The following GGA2 variants were observed in gnomAD, a reference collection of about 807,000 sequenced individuals.
The protein encoded by GGA2 is golgi associated, gamma adaptin ear containing, ARF binding protein 2, also known as ADP-ribosylation factor-binding protein GGA2.
In GGA2, 48 loss-of-function variants were observed where a neutral mutation model predicts 79.5. That is an observed-to-expected ratio of 0.60 (90% CI 0.48 to 0.77). GGA2 has a LOEUF of 0.77. Among genes scored for constraint, GGA2 ranks in the 30% least tolerant of loss-of-function variants. The pLI is 0.00. For missense variants in GGA2, 770 were observed against 774.0 expected (o/e 0.99, Z 0.06); for synonymous variants, 317 against 302.0 (o/e 1.05, Z -0.51).
chr16:23,478,058 G>C (rs932708298), intron 13 of GGA2, among the ~76,000 whole-genome samples: 3 of 151,718 alleles, frequency 2.0e-5, no homozygotes, highest in African/African-American at 7.3e-5. Flanking sequence ...AATTAGCTGG[G>C]CATGGTGGCG....
At chr16:23,480,806 T>G in intron 9 of GGA2, 36 bp from the exon 10 acceptor site, 1 of 1,589,520 alleles carries the variant, frequency 6.3e-7, no homozygotes, top group Non-Finnish European at 8.6e-7. Flanking sequence ...CCCCCTGGTT[T>G]GGCAACCAAC....
chr16:23,508,741 C>T (rs1429438682), intron 1 of GGA2, among the ~76,000 whole-genome samples: 2 of 152,154 alleles, frequency 1.3e-5, no homozygotes, highest in African/African-American at 2.4e-5. Flanking sequence ...CCAAACCGTA[C>T]GTCCCACACT....
In GGA2 at chr16:23,486,898, C is replaced by T. The variant is rs1964720882; in HGVS notation, c.580-108G>A. The T allele has an allele frequency of 5.3e-6, 4 of 759,418 alleles. No individual in the cohort carries two copies. In the South Asian group the frequency reaches 5.5e-5, roughly 10 times the overall value. The allele number at this position is 759,418 out of a possible 1,614,324, so 47.0% of individuals were successfully genotyped here. The stretch of plus-strand genomic sequence containing the variant: ...CACTAACAACAGTGCACACATTTTA[C>T]ATGCACCATCTCACCAAATGGTCCA... On this transcript the variant is annotated intron_variant, in intron 6 of 16. Coordinates refer to ENST00000309859, the MANE Select transcript of GGA2 (RefSeq NM_015044.4).
At position 23,470,036 on chromosome 16, in the gene GGA2, TG is replaced by T; in HGVS notation, c.1579del (p.Gln527SerfsTer16). 1 of 1,595,670 alleles carries T rather than the reference TG, an allele frequency of 6.3e-7. No homozygotes were observed. Among genetic ancestry groups the T allele is most frequent in the African/African-American group, 1.3e-5 (1 of 74,380 alleles). ...LLLTMMSTAPQPVWDIMFQVA... is the reference protein window; with the variant it reads ...LLLTMMSTAPXPVWDIMFQVA... ...TTGAAACATGATATCCCAGACAGGCTGGGGAGCCGTGCTCATCATGGTCAAG... is the reference window on the plus strand; with the variant it reads ...TTGAAACATGATATCCCAGACAGGCTGGGAGCCGTGCTCATCATGGTCAAG... On this transcript the variant is annotated frameshift_variant, in exon 15 of 17. Coordinates refer to ENST00000309859, the MANE Select transcript of GGA2 (RefSeq NM_015044.4). LOFTEE classifies it high-confidence loss of function.
At chr16:23,469,774 T>TA (rs1178137221) in intron 15 of GGA2, among the ~76,000 whole-genome samples, 2 of 152,198 alleles carry the variant, frequency 1.3e-5, no homozygotes, top group East Asian at 3.9e-4. Context: ...AGTCAAGAGA[T>TA]ACAGATTCTT....
At chr16:23,521,812 C>T (rs901043430) in exon 1 of GGA2, 8 of 455,886 alleles carry the variant, frequency 1.8e-5, no homozygotes, top group African/African-American at 1.6e-4. Context: ...AGCCAAGAAG[C>T]TCCTTTTAAC....
chr16:23,524,168 A>G, upstream of GGA2: 1 of 607,646 alleles, frequency 1.6e-6, no homozygotes, highest in Non-Finnish European at 2.9e-6. Context: ...AGGAGGTTAG[A>G]TGGGTTGGGC....
In GGA2 at chr16:23,480,773, G is replaced by A. The variant is rs909698886; in HGVS notation, c.881-3C>T. On this transcript the variant is annotated splice_region_variant and splice_polypyrimidine_tract_variant and intron_variant, in intron 9 of 16. Coordinates refer to ENST00000309859, the MANE Select transcript of GGA2 (RefSeq NM_015044.4). ...GTCATTTGCCTGGAGAATTTCCGCT[G>A]AAGAATGAGGGAAGACTCAGAACCC... 2.5e-6 allele frequency: 4 copies of A among 1,606,636 alleles called. No individual in the cohort carries two copies. The highest frequency in any genetic ancestry group is 1.3e-5 in the African/African-American group (1 of 74,840).
intron 2 of GGA2, among the ~76,000 whole-genome samples, chr16:23,518,666 T>C (rs1481106077): frequency 6.6e-6 from 1 of 151,996 alleles, no homozygotes; most frequent in African/African-American, 2.4e-5. Flanking sequence ...CTGGCAAATC[T>C]TGCAAAAGAG....
At chr16:23,468,481 T>A (rs574923563) in intron 16 of GGA2, among the ~76,000 whole-genome samples, 6 of 143,178 alleles carry the variant, frequency 4.2e-5, no homozygotes, top group African/African-American at 1.6e-4. Flanking sequence ...TGGCCGACTT[T>A]ATTTTTTTTT....
chr16:23,517,816 G>T (rs915871268), intron 2 of GGA2, among the ~76,000 whole-genome samples: 4 of 152,010 alleles, frequency 2.6e-5, no homozygotes, highest in African/African-American at 9.7e-5. Flanking sequence ...AGCCAGGATG[G>T]TCTCGATTTC....
intron 1 of GGA2, chr16:23,500,980 A>C (rs1964915309): frequency 3.1e-6 from 1 of 324,810 alleles, no homozygotes; most frequent in Non-Finnish European, 6.1e-6. Flanking sequence ...TTGCTAGATA[A>C]CAGAACAGTC....
chr16:23,517,722 T>C (rs141551636), intron 2 of GGA2, among the ~76,000 whole-genome samples: 1 of 152,112 alleles, frequency 6.6e-6, no homozygotes, highest in East Asian at 1.9e-4. Flanking sequence ...AAACTCCTAC[T>C]CATCCCTCAG....
At chr16:23,506,660 G>A (rs750685593) in intron 1 of GGA2, among the ~76,000 whole-genome samples, 1 of 152,122 alleles carries the variant, frequency 6.6e-6, no homozygotes, top group South Asian at 2.1e-4. Flanking sequence ...GATGTCACTC[G>A]TGCAAAGGTT....
Position 23,464,460 on chromosome 16 carries a change from T to C in GGA2, c.*3130A>G, listed in dbSNP as rs1964409430. 6.6e-6 allele frequency: 1 copy of C among 151,970 alleles called. No homozygotes were observed. Among genetic ancestry groups the C allele is most frequent in the East Asian group, 1.9e-4 (1 of 5,192 alleles). The allele number at this position is 151,970 out of a possible 1,614,324, so 9.4% of individuals were successfully genotyped here. A position where few individuals can be genotyped will look rare whatever the true frequency, so the allele number is the denominator to read the frequency against. On this transcript the variant is annotated 3_prime_UTR_variant, in exon 17 of 17. Transcript: ENST00000309859. ...TCAGGCATCAGGAAGCCATTCAGAA[T>C]TTTTCACCCTGTCAGATGCTCAGAT...
chr16:23,502,438 C>T (rs773323511), intron 1 of GGA2, among the ~76,000 whole-genome samples: 1 of 152,216 alleles, frequency 6.6e-6, no homozygotes, highest in Non-Finnish European at 1.5e-5. Flanking sequence ...AGGAAAACAA[C>T]AAAAGAGGAA....
intron 1 of GGA2, among the ~76,000 whole-genome samples, chr16:23,505,291 G>C (rs1964962453): frequency 6.6e-6 from 1 of 152,100 alleles, no homozygotes; most frequent in Non-Finnish European, 1.5e-5. Flanking sequence ...TGGCCTCCCT[G>C]GTAGCGCTAC....
At chr16:23,491,432 T>C (rs745982026) in intron 5 of GGA2, among the ~76,000 whole-genome samples, 8 of 151,452 alleles carry the variant, frequency 5.3e-5, no homozygotes, top group Non-Finnish European at 8.8e-5. Flanking sequence ...TGTGGTTTCC[T>C]ATGATTTCCA....
chr16:23,486,984 G>GT (rs35896041), intron 6 of GGA2, among the ~76,000 whole-genome samples, 194 bp from the exon 7 acceptor site: 1,553 of 133,160 alleles, frequency 0.012, 56 homozygotes, highest in Non-Finnish European at 0.018. Flanking sequence ...CTTTTCTGTT[G>GT]TTTTTTTTTT....
Sources: gnomAD v4.1 joint callset for allele counts (sites outside exome capture counted in the v4.1 genomes callset) on GRCh38, gnomAD v4.1.1 for gene constraint, MANE v1.5 for transcripts, NCBI Gene and HGNC (gene_info 2026-07-23, HGNC 2026-07-21) for gene names.